SRPRB: variants seen among roughly 807,000 people sequenced by gnomAD.
SRPRB encodes SRP receptor subunit beta.
SRPRB carries 20 observed loss-of-function variants against 31.9 expected under a neutral mutation model. That is an observed-to-expected ratio of 0.63 (90% CI 0.44 to 0.91). The LOEUF is 0.91. Ranked by LOEUF, SRPRB falls within the 40% of genes least tolerant of loss-of-function variation. SRPRB has a pLI of 0.00. For synonymous variants in SRPRB, 146 were observed against 132.8 expected (o/e 1.10, Z -0.68); for missense variants, 321 against 324.9 (o/e 0.99, Z 0.09).
downstream of SRPRB, among the ~76,000 whole-genome samples, chr3:133,823,425 TA>T (rs931259944): frequency 6.6e-6 from 1 of 152,188 alleles, no homozygotes; most frequent in African/African-American, 2.4e-5. Context: ...CACTCCTGGC[TA>T]ATTTTTAGTA....
chr3:133,816,231 G>T (rs181651948), intron 5 of SRPRB, among the ~76,000 whole-genome samples: 1 of 152,128 alleles, frequency 6.6e-6, no homozygotes, highest in East Asian at 1.9e-4. Flanking sequence ...ATCTCTTCAG[G>T]TCTCTTCCAG....
chr3:133,788,638 TC>T (rs33998685), intron 1 of SRPRB: 40,488 of 152,108 alleles, frequency 0.27, 6,407 homozygotes, highest in East Asian at 0.46. Context: ...GGGGAATCTC[TC>T]CCTCTGTCTC....
chr3:133,805,078 T>C (rs539059844), upstream of SRPRB, among the ~76,000 whole-genome samples: 1 of 152,344 alleles, frequency 6.6e-6, no homozygotes, highest in South Asian at 2.1e-4. Context: ...CCAGGTCCCA[T>C]AACACCTACC....
upstream of SRPRB, among the ~76,000 whole-genome samples, chr3:133,802,690 CT>C (rs1458728159): frequency 6.6e-6 from 1 of 152,148 alleles, no homozygotes; most frequent in Non-Finnish European, 1.5e-5. Flanking sequence ...GGTTCCTTTC[CT>C]CATTCTTCAT....
intron 3 of SRPRB, 23 bp downstream of exon 3, chr3:133,807,846 G>T: frequency 6.3e-7 from 1 of 1,576,074 alleles, no homozygotes; most frequent in South Asian, 1.1e-5. Context: ...TGGAGTTTTG[G>T]AGTCTGACAG....
chr3:133,826,448 T>C (rs569817116), downstream of SRPRB: 47 of 152,696 alleles, frequency 3.1e-4, no homozygotes, highest in African/African-American at 1.1e-3. Flanking sequence ...CTACCATACG[T>C]TCATTCACTG....
chr3:133,824,998 TC>T, downstream of SRPRB: 1 of 152,296 alleles, frequency 6.6e-6, no homozygotes, highest in East Asian at 1.9e-4. Context: ...TTGTGACAGC[TC>T]TGCTTCACAT....
At chr3:133,818,838 G>A (rs1404812527) in intron 6 of SRPRB, among the ~76,000 whole-genome samples, 1 of 145,052 alleles carries the variant, frequency 6.9e-6, no homozygotes, top group Non-Finnish European at 1.5e-5. Context: ...TCCTAAACAA[G>A]GTATTGCTTA....
rs750304664 is a variant in SRPRB at position 133,819,659 on chromosome 3, T to C, written c.709T>C (p.Leu237=). 3 of 1,614,170 alleles carry C rather than the reference T, an allele frequency of 1.9e-6. No individual in the cohort carries two copies. The highest frequency in any genetic ancestry group is 2.5e-6 in the Non-Finnish European group (3 of 1,180,026). ...AGGCAAAGAGTTTGAATTCTCACAGTTGCCCCTCAAAGTGGAGTTCCTGGA... is the reference window on the plus strand; with the variant it reads ...AGGCAAAGAGTTTGAATTCTCACAGCTGCCCCTCAAAGTGGAGTTCCTGGA... ...KKGKEFEFSQ[L]PLKVEFLECS... is the part of the protein sequence containing the mutation. The change falls in exon 7 of 7, where the codon TTG becomes CTG. Residue 237 remains leucine, a synonymous_variant. Transcript: ENST00000678299.
At chr3:133,792,949 G>A (rs558347714) in intron 1 of SRPRB, 3 of 152,262 alleles carry the variant, frequency 2.0e-5, no homozygotes, top group Admixed American at 2.0e-4. Context: ...ACAAACATTT[G>A]TAAAGGATTA....
At chr3:133,814,823 A>T (rs1415927056) in intron 4 of SRPRB, among the ~76,000 whole-genome samples, 1 of 152,200 alleles carries the variant, frequency 6.6e-6, no homozygotes, top group African/African-American at 2.4e-5. Context: ...GAGGAGTCCC[A>T]CTATGGCTGC....
rs773182875 is a variant in SRPRB, at chr3:133,805,837, C to G, written c.-12C>G. ...GTCGCTTTTGCTGTACCGGGGACCACGCGTCTCATCCATGGCTTCCGCGGA... is the reference window on the plus strand; with the variant it reads ...GTCGCTTTTGCTGTACCGGGGACCAGGCGTCTCATCCATGGCTTCCGCGGA... On this transcript the variant is annotated 5_prime_UTR_variant, in exon 1 of 7. Coordinates refer to ENST00000678299, the MANE Select transcript of SRPRB (RefSeq NM_001379313.1). 6 of 1,602,336 alleles carry G rather than the reference C, an allele frequency of 3.7e-6. No individual in the cohort carries two copies. Among genetic ancestry groups the G allele is most frequent in the Non-Finnish European group, 5.1e-6 (6 of 1,174,484 alleles).
At chr3:133,818,898 G>A (rs1935414109) in intron 6 of SRPRB, among the ~76,000 whole-genome samples, 1 of 151,664 alleles carries the variant, frequency 6.6e-6, no homozygotes, top group Admixed American at 6.6e-5. Flanking sequence ...TACAGAACAA[G>A]AAATGCTTTA....
At chr3:133,811,032 T>A in intron 3 of SRPRB, 85 bp from the exon 4 acceptor site, 10 of 1,293,398 alleles carry the variant, frequency 7.7e-6, no homozygotes, top group Non-Finnish European at 1.1e-5. Context: ...AGGTACCAGT[T>A]TGGTAGCCAA....
chr3:133,810,865 T>C (rs1048574388), intron 3 of SRPRB: 28 of 364,566 alleles, frequency 7.7e-5, no homozygotes, highest in Non-Finnish European at 1.3e-4. Context: ...TTATCAGTGT[T>C]CTCATTTTAT....
chr3:133,810,813 C>A, intron 3 of SRPRB: 1 of 247,180 alleles, frequency 4.0e-6, no homozygotes, highest in Non-Finnish European at 7.8e-6. Flanking sequence ...ATCATGCTTC[C>A]CTGACTCCCC....
rs1413065600 is a variant in SRPRB at position 133,820,561 on chromosome 3, T to C, written c.*795T>C. Reference sequence around the variant, plus strand: ...CATCTTCATGTGCTGCTTGAAGAGCTCCTATTTTGTACTCCTGGCTAGAAT... The same window carrying C: ...CATCTTCATGTGCTGCTTGAAGAGCCCCTATTTTGTACTCCTGGCTAGAAT... On this transcript the variant is annotated 3_prime_UTR_variant, in exon 7 of 7. Coordinates refer to ENST00000678299, the MANE Select transcript of SRPRB (RefSeq NM_001379313.1). The C allele has an allele frequency of 6.6e-6, 1 of 152,144 alleles. No homozygotes were observed. Among genetic ancestry groups the C allele is most frequent in the African/African-American group, 2.4e-5 (1 of 41,416 alleles). 9.4% of individuals were successfully genotyped at this position (152,144 alleles called of 1,614,324 possible).
intron 1 of SRPRB, among the ~76,000 whole-genome samples, chr3:133,797,341 G>C (rs1057082803): frequency 6.6e-6 from 1 of 152,232 alleles, no homozygotes; most frequent in Non-Finnish European, 1.5e-5. Context: ...GATTGATAGA[G>C]ATAGGAAGGG....
At chr3:133,814,353 G>A (rs1344035753) in intron 4 of SRPRB, among the ~76,000 whole-genome samples, 5 of 152,076 alleles carry the variant, frequency 3.3e-5, no homozygotes, top group African/African-American at 9.7e-5. Context: ...GGATGGTCTC[G>A]ATCTCCTGAC....
Sources: gnomAD v4.1 joint callset for allele counts (sites outside exome capture counted in the v4.1 genomes callset) on GRCh38, gnomAD v4.1.1 for gene constraint, MANE v1.5 for transcripts, NCBI Gene and HGNC (gene_info 2026-07-23, HGNC 2026-07-21) for gene names.